Variants in LRP1B observed in about 807,000 individuals in gnomAD.
LRP1B encodes the protein LDL receptor related protein 1B.
LRP1B carries 217 observed loss-of-function variants against 556.6 expected under a neutral mutation model. The observed-to-expected ratio is 0.39, with a 90% CI of 0.35 to 0.44. The LOEUF (loss-of-function observed/expected upper bound fraction) is 0.44, where lower values mean the gene tolerates loss of function less well. Among genes scored for constraint, LRP1B ranks in the 20% least tolerant of loss-of-function variants. The probability of loss-of-function intolerance (pLI) is 1.00; values close to 1 mark genes in which losing one functional copy is unlikely to be tolerated. For missense variants in LRP1B, 5,053 were observed against 5,620.8 expected, an observed-to-expected ratio of 0.90 and a Z score of 3.23; for synonymous variants, 2,047 against 1,865.8, an observed-to-expected ratio of 1.10 and a Z score of -2.50.
At chr2:140,284,876 C>CTATCTA (rs930115038) in intron 84 of LRP1B, among the ~76,000 whole-genome samples, 6 of 110,990 alleles carry the variant, frequency 5.4e-5, no homozygotes, top group Admixed American at 2.0e-4. Flanking sequence ...ATGTATATAT[C>CTATCTA]TATCTATATC....
intron 31 of LRP1B, among the ~76,000 whole-genome samples, chr2:140,834,001 G>C (rs535172981): frequency 6.6e-6 from 1 of 152,080 alleles, no homozygotes; most frequent in African/African-American, 2.4e-5. Context: ...AAAAGTTGCC[G>C]ATACTATTGT....
intron 3 of LRP1B, among the ~76,000 whole-genome samples, chr2:141,447,361 C>T (rs1206292297): frequency 6.6e-6 from 1 of 151,960 alleles, no homozygotes; most frequent in African/African-American, 2.4e-5. Flanking sequence ...TTAGAACATG[C>T]TCCTTTAGCT....
rs551959620 is a variant in LRP1B, at chr2:141,565,584, T to C, written c.206-85051A>G. ...GAACATCCTATCTTACTCATATTTC[T>C]ACCTATGTAGTTCATTTATCCCAAA... On this transcript the variant is annotated intron_variant, in intron 2 of 90. Transcript: ENST00000389484. Among the ~76,000 whole-genome samples the C allele has an allele frequency of 8.8e-4, 134 of 152,338 alleles. 2 individuals are homozygous for C. Among genetic ancestry groups the C allele is most frequent in the African/African-American group, 3.1e-3 (128 of 41,588 alleles).
chr2:141,520,299 A>G (rs1404760228), intron 2 of LRP1B, among the ~76,000 whole-genome samples: 1 of 152,176 alleles, frequency 6.6e-6, no homozygotes, highest in Non-Finnish European at 1.5e-5. Flanking sequence ...TCCCATGAAG[A>G]AAAAGATTCT....
intron 1 of LRP1B, among the ~76,000 whole-genome samples, chr2:141,990,771 T>C (rs1253122717): frequency 6.6e-6 from 1 of 152,106 alleles, no homozygotes; most frequent in Non-Finnish European, 1.5e-5. Flanking sequence ...TATTTTTAAG[T>C]AGCTGACTTG....
intron 53 of LRP1B, 79 bp downstream of exon 53, chr2:140,506,717 T>C: frequency 6.8e-7 from 1 of 1,475,734 alleles, no homozygotes; most frequent in South Asian, 1.3e-5. Flanking sequence ...TGCTTGTTGC[T>C]TTAGTTTTTT....
intron 5 of LRP1B, among the ~76,000 whole-genome samples, chr2:141,237,770 A>G (rs1483974528): frequency 6.6e-6 from 1 of 152,100 alleles, no homozygotes; most frequent in Non-Finnish European, 1.5e-5. Flanking sequence ...CAGCACAAAC[A>G]TATCTTTTCA....
chr2:140,838,105 G>A (rs1486180364), intron 31 of LRP1B, among the ~76,000 whole-genome samples: 2 of 151,894 alleles, frequency 1.3e-5, no homozygotes, highest in African/African-American at 4.8e-5. Context: ...TTTAGTATTA[G>A]AAAAGATAAG....
chr2:140,478,190 C>G (rs984308573), intron 59 of LRP1B, among the ~76,000 whole-genome samples: 1 of 146,408 alleles, frequency 6.8e-6, no homozygotes, highest in African/African-American at 2.6e-5. Context: ...CGCTCTGTTG[C>G]CCACGCTGGA....
chr2:141,367,524 C>G (rs1689086208), intron 3 of LRP1B, among the ~76,000 whole-genome samples: 1 of 131,330 alleles, frequency 7.6e-6, no homozygotes, highest in South Asian at 2.5e-4. Flanking sequence ...GCTCTGTCAC[C>G]CAGGCTGGAG....
rs1455354585 is a variant in LRP1B at position 140,232,202 on chromosome 2, T to C, written c.*984A>G. 2.1e-5 allele frequency: 2 copies of C among 95,070 alleles called. No individual in the cohort carries two copies. The highest frequency in any genetic ancestry group is 3.2e-5 in the African/African-American group (1 of 30,948). 5.9% of individuals were successfully genotyped at this position (95,070 alleles called of 1,614,324 possible). On this transcript the variant is annotated 3_prime_UTR_variant, in exon 91 of 91. Transcript: ENST00000389484. ...GTATACTAAAATGTCTGCTTTGCCC[T>C]TTGTTTTTTGACCTAGCAAAGAGGA...
intron 3 of LRP1B, among the ~76,000 whole-genome samples, chr2:141,444,679 G>A (rs1681114459): frequency 6.6e-6 from 1 of 152,194 alleles, no homozygotes; most frequent in Non-Finnish European, 1.5e-5. Flanking sequence ...CATCTATTGA[G>A]ATAATCATGT....
At chr2:141,341,637 C>T (rs1179209411) in intron 3 of LRP1B, among the ~76,000 whole-genome samples, 1 of 152,130 alleles carries the variant, frequency 6.6e-6, no homozygotes, top group Non-Finnish European at 1.5e-5. Context: ...TTTAGCTTTC[C>T]TTGTACTTAA....
intron 12 of LRP1B, among the ~76,000 whole-genome samples, chr2:141,018,788 A>G (rs1009354377): frequency 3.9e-5 from 6 of 152,124 alleles, no homozygotes; most frequent in African/African-American, 1.4e-4. Flanking sequence ...ATCCAAACAT[A>G]AAATCACCAA....
intron 7 of LRP1B, among the ~76,000 whole-genome samples, chr2:141,165,394 A>C (rs1347342189): frequency 6.6e-6 from 1 of 152,008 alleles, no homozygotes; most frequent in Admixed American, 6.6e-5. Context: ...GTGAAATATT[A>C]ATAGCAATCA....
At chr2:140,579,503 C>A (rs1349494748) in intron 43 of LRP1B, among the ~76,000 whole-genome samples, 4 of 152,148 alleles carry the variant, frequency 2.6e-5, no homozygotes, top group African/African-American at 9.7e-5. Flanking sequence ...AAGCTGGAGA[C>A]ACCTGGGCTT....
intron 2 of LRP1B, among the ~76,000 whole-genome samples, chr2:141,519,480 T>C (rs916548340): frequency 1.3e-5 from 2 of 149,062 alleles, no homozygotes; most frequent in Non-Finnish European, 3.0e-5. Context: ...AAAGAACAAA[T>C]AATATTGATT....
intron 35 of LRP1B, among the ~76,000 whole-genome samples, chr2:140,736,075 T>C (rs2105510682): frequency 6.6e-6 from 1 of 152,242 alleles, no homozygotes; most frequent in African/African-American, 2.4e-5. Context: ...ATGGAGAAAC[T>C]ATGCCTTTCT....
intron 3 of LRP1B, among the ~76,000 whole-genome samples, chr2:141,276,434 T>C (rs1685288183): frequency 6.6e-6 from 1 of 152,062 alleles, no homozygotes. Flanking sequence ...TTTTTCCATC[T>C]TGACTCTCCT....
Sources: gnomAD v4.1 joint callset for allele counts (sites outside exome capture counted in the v4.1 genomes callset) on GRCh38, gnomAD v4.1.1 for gene constraint, MANE v1.5 for transcripts, NCBI Gene and HGNC (gene_info 2026-07-23, HGNC 2026-07-21) for gene names.